Variants in GGA2 observed in about 807,000 individuals in gnomAD.
The protein encoded by GGA2 is golgi associated, gamma adaptin ear containing, ARF binding protein 2.
In GGA2, 48 loss-of-function variants were observed where a neutral mutation model predicts 79.5. That is an observed-to-expected ratio of 0.60 (90% confidence interval 0.48 to 0.77). The LOEUF is 0.77. Among genes scored for constraint, GGA2 ranks in the 30% least tolerant of loss-of-function variants. GGA2 has a pLI of 0.00. For missense variants in GGA2, 770 were observed against 774.0 expected, an observed-to-expected ratio of 0.99 and a Z score of 0.06; for synonymous variants, 317 against 302.0, an observed-to-expected ratio of 1.05 and a Z score of -0.51.
intron 14 of GGA2, among the ~76,000 whole-genome samples, chr16:23,474,367 T>G (rs976622526): frequency 1.3e-5 from 2 of 152,160 alleles, no homozygotes; most frequent in Non-Finnish European, 2.9e-5. Flanking sequence ...CAAACTTTTT[T>G]TTTTTTTGGA....
At chr16:23,507,343 A>C (rs911090613) in intron 1 of GGA2, among the ~76,000 whole-genome samples, 99 of 152,296 alleles carry the variant, frequency 6.5e-4, no homozygotes, top group African/African-American at 2.3e-3. Flanking sequence ...ATAATAATAA[A>C]ACACAAATTA....
At chr16:23,493,629 A>C (rs1038651351) in intron 3 of GGA2, 171 bp from the exon 4 acceptor site, 27 of 595,758 alleles carry the variant, frequency 4.5e-5, no homozygotes, top group Non-Finnish European at 6.3e-5. Context: ...TCAAGAAAAA[A>C]ATGTCCCCTG....
intron 2 of GGA2, among the ~76,000 whole-genome samples, chr16:23,515,883 G>A (rs1965099961): frequency 6.6e-6 from 1 of 152,178 alleles, no homozygotes; most frequent in African/African-American, 2.4e-5. Context: ...CTGTTGCCCA[G>A]GCTGGAGTGC....
chr16:23,518,115 G>A (rs528400905), intron 2 of GGA2, among the ~76,000 whole-genome samples: 47 of 151,634 alleles, frequency 3.1e-4, no homozygotes, highest in African/African-American at 1.1e-3. Context: ...ATTTCACCAT[G>A]TTGGTCAGGC....
rs113197951 is a variant in GGA2 at position 23,509,482 on chromosome 16, T to C, written c.91+839A>G. Among the ~76,000 whole-genome samples the C allele has an allele frequency of 2.0e-3, 298 of 152,260 alleles. 1 individual carries two copies. Among genetic ancestry groups the C allele is most frequent in the Non-Finnish European group, 3.4e-3 (231 of 68,020 alleles). The stretch of plus-strand genomic sequence containing the variant: ...GTAAGGTGATGTGACTGCCGGCTTG[T>C]ACCCACTAAAAAATGTTTTGGTGAG... On this transcript the variant is annotated intron_variant, in intron 1 of 16. Transcript: ENST00000309859.
At chr16:23,516,318 G>C (rs992863678) in intron 2 of GGA2, among the ~76,000 whole-genome samples, 2 of 151,982 alleles carry the variant, frequency 1.3e-5, no homozygotes, top group African/African-American at 4.8e-5. Context: ...GGCCTTTTCA[G>C]CTTCTATAAT....
upstream of GGA2, among the ~76,000 whole-genome samples, chr16:23,512,045 G>A (rs76136326): frequency 0.015 from 2,235 of 152,256 alleles, 23 homozygotes; most frequent in South Asian, 0.019. Flanking sequence ...GTGCTGTCTA[G>A]ACAACACATA....
rs1043084977 is a variant in GGA2, at chr16:23,479,944, C to T, written c.1007-57G>A. On this transcript the variant is annotated intron_variant, in intron 10 of 16. Transcript: ENST00000309859. ...GTTGGACATGAGAGCAAAGTCTCCA[C>T]ATAAATCCTATCAGCTTCCCTCAGA... The T allele has an allele frequency of 5.1e-6, 8 of 1,579,990 alleles. No homozygotes were observed. In the African/African-American group the frequency reaches 8.1e-5, roughly 16 times the overall value.
chr16:23,497,114 A>C (rs1964866226), intron 1 of GGA2, among the ~76,000 whole-genome samples: 1 of 151,614 alleles, frequency 6.6e-6, no homozygotes, highest in African/African-American at 2.4e-5. Context: ...CAAAAACAAA[A>C]AAAAAAAACA....
chr16:23,487,686 C>T (rs975299594), intron 6 of GGA2, among the ~76,000 whole-genome samples: 1 of 152,004 alleles, frequency 6.6e-6, no homozygotes, highest in African/African-American at 2.4e-5. Flanking sequence ...TACCTCCTTC[C>T]TAGCTCCTCC....
chr16:23,495,864 T>C, intron 1 of GGA2, 86 bp from the exon 2 acceptor site: 3 of 781,610 alleles, frequency 3.8e-6, no homozygotes, highest in Non-Finnish European at 6.3e-6. Flanking sequence ...AAGAGCTGTC[T>C]TATCACAGAT....
At chr16:23,475,252 C>T (rs1016420032) in intron 13 of GGA2, among the ~76,000 whole-genome samples, 191 bp from the exon 14 acceptor site, 3 of 145,592 alleles carry the variant, frequency 2.1e-5, no homozygotes, top group African/African-American at 7.7e-5. Flanking sequence ...TGCAATCGAA[C>T]AGTCTCGGCT....
chr16:23,478,208 A>AAG (rs1964599497), intron 13 of GGA2, among the ~76,000 whole-genome samples, 160 bp downstream of exon 13: 1 of 132,930 alleles, frequency 7.5e-6, no homozygotes, highest in Non-Finnish European at 1.7e-5. Flanking sequence ...CAAAAAAAAA[A>AAG]AAAAAAGAAA....
upstream of GGA2, chr16:23,522,631 G>T (rs1418261464): frequency 6.6e-6 from 1 of 152,010 alleles, no homozygotes; most frequent in South Asian, 2.1e-4. Flanking sequence ...GACTCTATGG[G>T]GCTCAACAAA....
chr16:23,496,649 T>C (rs930859669), intron 1 of GGA2, among the ~76,000 whole-genome samples: 3 of 152,154 alleles, frequency 2.0e-5, no homozygotes, highest in African/African-American at 7.2e-5. Flanking sequence ...GGAAATCACA[T>C]GCCTACTAAA....
upstream of GGA2, among the ~76,000 whole-genome samples, chr16:23,511,345 G>T (rs1212796489): frequency 1.3e-5 from 2 of 148,268 alleles, no homozygotes; most frequent in Non-Finnish European, 3.0e-5. Flanking sequence ...ATTTTTAGTA[G>T]AAACGAGGGT....
chr16:23,492,552 G>A (rs905596319), intron 4 of GGA2, among the ~76,000 whole-genome samples: 3 of 152,188 alleles, frequency 2.0e-5, no homozygotes, highest in Non-Finnish European at 4.4e-5. Context: ...CCTACGTTGG[G>A]AGGATGGCAA....
intron 5 of GGA2, 81 bp downstream of exon 5, chr16:23,491,595 CA>C: frequency 2.3e-6 from 3 of 1,279,176 alleles, no homozygotes; most frequent in Non-Finnish European, 2.2e-6. Flanking sequence ...CAGCTTTCAA[CA>C]AAAAATTATA....
intron 11 of GGA2, among the ~76,000 whole-genome samples, chr16:23,479,221 C>T (rs1253671613): frequency 6.6e-6 from 1 of 151,896 alleles, no homozygotes; most frequent in African/African-American, 2.4e-5. Flanking sequence ...GACCAGCTCA[C>T]TCCCCTACTC....
Sources: allele counts gnomAD v4.1 joint callset (sites outside exome capture counted in the v4.1 genomes callset), GRCh38; gene constraint gnomAD v4.1.1; transcripts MANE v1.5; gene names NCBI Gene and HGNC (gene_info 2026-07-23, HGNC 2026-07-21).